SLC60A1: variants seen among roughly 807,000 people sequenced by gnomAD.
SLC60A1 encodes the protein major facilitator superfamily domain containing 4.
the SLC60A1 span, among the ~76,000 whole-genome samples, chr1:205,570,198 C>A: frequency 6.6e-6 from 1 of 152,344 alleles, no homozygotes; most frequent in African/African-American, 2.4e-5. Context: ...CACCTCCGGG[C>A]TCCCTTGTGG....
At chr1:205,595,279 C>T in the SLC60A1 span, 1 of 152,406 alleles carries the variant, frequency 6.6e-6, no homozygotes, top group South Asian at 2.1e-4. Flanking sequence ...CCTGATGGCA[C>T]AAAAACTGTT....
the SLC60A1 span, among the ~76,000 whole-genome samples, chr1:205,596,116 G>T: frequency 2.0e-5 from 3 of 152,174 alleles, no homozygotes; most frequent in African/African-American, 2.4e-5. Flanking sequence ...GTCCAGAGTA[G>T]ACAATGATGA....
chr1:205,576,189 G>A, the SLC60A1 span, among the ~76,000 whole-genome samples: 1 of 152,198 alleles, frequency 6.6e-6, no homozygotes, highest in Admixed American at 6.5e-5. Flanking sequence ...ACTGCAGCAG[G>A]AATAGGGGCA....
At chr1:205,584,133 C>T in the SLC60A1 span, 1 of 1,610,734 alleles carries the variant, frequency 6.2e-7, no homozygotes, top group South Asian at 1.1e-5. Context: ...GGTAGGGGCT[C>T]TAATGAATCT....
chr1:205,599,679 A>G, the SLC60A1 span: 2 of 159,288 alleles, frequency 1.3e-5, no homozygotes, highest in African/African-American at 4.8e-5. Flanking sequence ...TTCTAGTCCA[A>G]ATCTTTTTTT....
chr1:205,574,288 A>T, the SLC60A1 span, among the ~76,000 whole-genome samples: 1 of 151,836 alleles, frequency 6.6e-6, no homozygotes, highest in African/African-American at 2.4e-5. Context: ...CTCAAAAAAA[A>T]TTTTAAATTA....
the SLC60A1 span, among the ~76,000 whole-genome samples, chr1:205,587,252 T>C: frequency 6.6e-6 from 1 of 152,192 alleles, no homozygotes; most frequent in African/African-American, 2.4e-5. Flanking sequence ...TAAACACCTC[T>C]AGTAACTGCA....
the SLC60A1 span, chr1:205,586,234 C>T: frequency 1.9e-6 from 3 of 1,611,344 alleles, no homozygotes; most frequent in Non-Finnish European, 2.5e-6. Flanking sequence ...CCTCCTCTCT[C>T]TTCTGAGAGA....
the SLC60A1 span, among the ~76,000 whole-genome samples, chr1:205,571,187 T>C: frequency 1.1e-4 from 17 of 152,338 alleles, no homozygotes; most frequent in African/African-American, 3.8e-4. Context: ...CCTTGCGAAG[T>C]AGTACTGTTA....
chr1:205,574,122 T>A, the SLC60A1 span, among the ~76,000 whole-genome samples: 3 of 152,142 alleles, frequency 2.0e-5, no homozygotes, highest in African/African-American at 4.8e-5. Context: ...TTTTATAGTA[T>A]GTAATTTATA....
chr1:205,596,854 T>A, the SLC60A1 span, among the ~76,000 whole-genome samples: 1 of 152,154 alleles, frequency 6.6e-6, no homozygotes. Context: ...ATGTCTTACA[T>A]CAGAGTTACC....
chr1:205,574,158 A>T, the SLC60A1 span, among the ~76,000 whole-genome samples: 2 of 151,754 alleles, frequency 1.3e-5, no homozygotes, highest in Admixed American at 6.6e-5. Context: ...AGTTAAAAAA[A>T]CCTCAAAGCC....
At chr1:205,573,939 C>T in the SLC60A1 span, among the ~76,000 whole-genome samples, 14 of 151,876 alleles carry the variant, frequency 9.2e-5, no homozygotes, top group East Asian at 7.8e-4. Flanking sequence ...TCAAGCAGTC[C>T]GCCTACCTTG....
At chr1:205,586,021 G>A in the SLC60A1 span, 7 of 1,575,054 alleles carry the variant, frequency 4.4e-6, no homozygotes, top group East Asian at 2.3e-5. Context: ...AACAGCGCCC[G>A]GTCTCTCCAC....
chr1:205,572,954 T>C, the SLC60A1 span, among the ~76,000 whole-genome samples: 1 of 152,142 alleles, frequency 6.6e-6, no homozygotes, highest in Non-Finnish European at 1.5e-5. Flanking sequence ...AGCGGATGGA[T>C]GGACAAACAA....
the SLC60A1 span, chr1:205,584,275 GC>G: frequency 1.8e-5 from 16 of 889,628 alleles, no homozygotes; most frequent in Admixed American, 3.1e-5. Context: ...AGGCTGGAGT[GC>G]AGTGGTGCAA....
the SLC60A1 span, among the ~76,000 whole-genome samples, chr1:205,587,512 G>A: frequency 6.6e-6 from 1 of 152,166 alleles, no homozygotes; most frequent in Non-Finnish European, 1.5e-5. Context: ...GTGAGAGGGA[G>A]ATGAGCAGTG....
chr1:205,569,181 ACGCTGCTG>A, the SLC60A1 span: 1 of 1,544,560 alleles, frequency 6.5e-7, no homozygotes, highest in Non-Finnish European at 8.7e-7. Flanking sequence ...CCTGGGGCCC[ACGCTGCTG>A]GACCTGCGCT....
the SLC60A1 span, among the ~76,000 whole-genome samples, chr1:205,577,616 G>A: frequency 2.6e-5 from 4 of 152,124 alleles, no homozygotes; most frequent in South Asian, 2.1e-4. The surrounding 1 kb of genome is among the most constrained non-coding windows in gnomAD (Gnocchi z 5.2). Flanking sequence ...TCCTATTCTC[G>A]GCTGGCACTC....
Sources: allele counts gnomAD v4.1 joint callset (sites outside exome capture counted in the v4.1 genomes callset), GRCh38; gene constraint gnomAD v4.1.1; non-coding constraint Gnocchi (gnomAD v3.1); transcripts MANE v1.5; gene names NCBI Gene and HGNC (gene_info 2026-07-23, HGNC 2026-07-21).